The following HIP1 variants were observed in gnomAD, a reference collection of about 807,000 sequenced individuals.
The protein encoded by HIP1 is huntingtin interacting protein 1, also known as huntingtin-interacting protein 1.
HIP1 carries 65 observed loss-of-function variants against 147.6 expected under a neutral mutation model. The observed-to-expected ratio is 0.44, with a 90% CI of 0.36 to 0.54. The LOEUF is 0.54. Ranked by LOEUF, HIP1 falls within the 20% of genes least tolerant of loss-of-function variation. The probability of loss-of-function intolerance (pLI) is 0.00; values close to 1 mark genes in which losing one functional copy is unlikely to be tolerated. For synonymous variants in HIP1, 479 were observed against 504.0 expected (o/e 0.95, Z 0.67); for missense variants, 1,061 against 1,299.6 (o/e 0.82, Z 2.82).
intron 1 of HIP1, among the ~76,000 whole-genome samples, chr7:75,651,502 C>G (rs1417573748): frequency 1.4e-5 from 2 of 144,892 alleles, no homozygotes; most frequent in Non-Finnish European, 3.0e-5. Flanking sequence ...GAAGGATTCT[C>G]CACACTGTAA....
chr7:75,589,852 T>A (rs1006504370), intron 4 of HIP1, among the ~76,000 whole-genome samples: 16 of 151,758 alleles, frequency 1.1e-4, no homozygotes, highest in African/African-American at 3.9e-4. Flanking sequence ...TGCCTCAGCC[T>A]CCTGAGTAGC....
chr7:75,592,437 T>C lies in HIP1; in HGVS notation c.262A>G (p.Asn88Asp). Reference sequence around the variant, plus strand: ...CAGAACTTCCAGCAGAGCACTGCGTTGCTAGACAGAGGCAGGCGGTTGACA... The same window carrying C: ...CAGAACTTCCAGCAGAGCACTGCGTCGCTAGACAGAGGCAGGCGGTTGACA... ...SVVNRLPLSS[N>D]AVLCWKFCHV... is the part of the protein sequence containing the mutation. Residue 88 changes from asparagine (N) to aspartate (D), a missense_variant, in exon 3 of 31, where the codon AAC becomes GAC. Transcript: ENST00000336926. The C allele has an allele frequency of 6.2e-7, 1 of 1,612,626 alleles. No homozygotes were observed. Among genetic ancestry groups the C allele is most frequent in the Non-Finnish European group, 8.5e-7 (1 of 1,179,704 alleles).
chr7:75,553,376 C>T, intron 22 of HIP1, 77 bp downstream of exon 22: 2 of 1,523,660 alleles, frequency 1.3e-6, no homozygotes, highest in African/African-American at 1.4e-5. Context: ...CTCAGAACAT[C>T]ACCGATTCCC....
intron 1 of HIP1, among the ~76,000 whole-genome samples, chr7:75,669,514 C>T (rs1264757155): frequency 6.6e-6 from 1 of 151,986 alleles, no homozygotes; most frequent in Non-Finnish European, 1.5e-5. Flanking sequence ...GTCAGCCAAG[C>T]TTGTGCCACT....
At chr7:75,547,897 G>A (rs182945378) in intron 23 of HIP1, 84 bp from the exon 24 acceptor site, 17 of 1,253,018 alleles carry the variant, frequency 1.4e-5, no homozygotes, top group African/African-American at 8.8e-5. Flanking sequence ...GTCCAACATC[G>A]TGTGGTAGCT....
At chr7:75,647,783 C>T (rs1554511309) in intron 1 of HIP1, among the ~76,000 whole-genome samples, 1 of 152,234 alleles carries the variant, frequency 6.6e-6, no homozygotes, top group African/African-American at 2.4e-5. Context: ...GCACCATGCA[C>T]TTGCACATGT....
At chr7:75,565,738 T>TCC (rs1795378739) in intron 9 of HIP1, among the ~76,000 whole-genome samples, 2 of 55,092 alleles carry the variant, frequency 3.6e-5, no homozygotes, top group African/African-American at 9.2e-5. Context: ...CCTCCTTTCC[T>TCC]TTTTTTTTTT....
chr7:75,677,544 G>T (rs1326659644), intron 1 of HIP1, among the ~76,000 whole-genome samples: 15 of 142,694 alleles, frequency 1.1e-4, no homozygotes, highest in African/African-American at 3.9e-4. Context: ...GGTGGAGTTT[G>T]CAGTGAGCCG....
At chr7:75,549,405 C>T (rs1310430552) in intron 22 of HIP1, among the ~76,000 whole-genome samples, 2 of 135,608 alleles carry the variant, frequency 1.5e-5, no homozygotes, top group African/African-American at 5.6e-5. Context: ...GAGTCTCAAT[C>T]TGTTGCCCAG....
intron 22 of HIP1, among the ~76,000 whole-genome samples, chr7:75,550,947 C>T (rs587768773): frequency 1.3e-5 from 2 of 152,074 alleles, no homozygotes; most frequent in Non-Finnish European, 2.9e-5. Context: ...TTAATAACAA[C>T]CCAAACTGGA....
In HIP1 at chr7:75,555,433, CTGA is replaced by C. The variant is rs782492075; in HGVS notation, c.1943_1945del (p.Ile648del). Reference sequence around the variant, plus strand: ...AAGTGTACCTGCAGACCCAGCGCAGCTGATGAGAGGAGGTTCTTCAAGCTGGTT... The same window carrying C: ...AAGTGTACCTGCAGACCCAGCGCAGCTGAGAGGAGGTTCTTCAAGCTGGTT... On this transcript the variant is annotated inframe_deletion, in exon 19 of 31. Coordinates refer to ENST00000336926, the MANE Select transcript of HIP1 (RefSeq NM_005338.7). The C allele has an allele frequency of 4.3e-6, 7 of 1,613,748 alleles. No homozygotes were observed. The African/African-American group carries it at 9.3e-5, about 22-fold the overall frequency.
At chr7:75,597,398 G>A (rs1281309402) in intron 2 of HIP1, among the ~76,000 whole-genome samples, 1 of 152,176 alleles carries the variant, frequency 6.6e-6, no homozygotes, top group Non-Finnish European at 1.5e-5. Flanking sequence ...GAGCCCAGGT[G>A]AGGAGAAGCT....
intron 1 of HIP1, among the ~76,000 whole-genome samples, chr7:75,656,924 C>T (rs775668961): frequency 1.3e-5 from 2 of 152,178 alleles, no homozygotes; most frequent in Non-Finnish European, 2.9e-5. Context: ...GGGAATCTAT[C>T]CTAGAGGAAT....
At chr7:75,695,419 G>A (rs782701059) in intron 1 of HIP1, among the ~76,000 whole-genome samples, 3 of 152,120 alleles carry the variant, frequency 2.0e-5, no homozygotes, top group African/African-American at 4.8e-5. Flanking sequence ...TTCAGCATCC[G>A]CTATACCCAA....
At chr7:75,614,673 G>C (rs1179605) in intron 1 of HIP1, among the ~76,000 whole-genome samples, 3 of 152,010 alleles carry the variant, frequency 2.0e-5, no homozygotes, top group Non-Finnish European at 2.9e-5. Flanking sequence ...GAATGTGCCA[G>C]ATGTTGCTTA....
intron 7 of HIP1, among the ~76,000 whole-genome samples, chr7:75,577,004 G>A (rs1795866580): frequency 6.6e-6 from 1 of 152,134 alleles, no homozygotes; most frequent in Non-Finnish European, 1.5e-5. Flanking sequence ...GCTAGTGAGT[G>A]CCCTATTGGA....
intron 1 of HIP1, among the ~76,000 whole-genome samples, chr7:75,667,017 T>C (rs1165335283): frequency 1.3e-5 from 2 of 152,152 alleles, no homozygotes; most frequent in East Asian, 1.9e-4. Flanking sequence ...TATTTATAGG[T>C]GGTGTATGTA....
At chr7:75,735,782 C>G (rs1802002238) in intron 1 of HIP1, among the ~76,000 whole-genome samples, 1 of 151,884 alleles carries the variant, frequency 6.6e-6, no homozygotes, top group South Asian at 2.1e-4. Context: ...CCTCTGCCTC[C>G]CGGGCTCAAG....
intron 1 of HIP1, among the ~76,000 whole-genome samples, chr7:75,670,309 C>A (rs782397796): frequency 6.7e-6 from 1 of 149,722 alleles, no homozygotes; most frequent in Non-Finnish European, 1.5e-5. Flanking sequence ...CACCACCATG[C>A]CTGGCTAATT....
Sources: allele counts gnomAD v4.1 joint callset (sites outside exome capture counted in the v4.1 genomes callset), GRCh38; gene constraint gnomAD v4.1.1; transcripts MANE v1.5; gene names NCBI Gene and HGNC (gene_info 2026-07-23, HGNC 2026-07-21).